Variants in SUGP1 observed in about 807,000 individuals in gnomAD.
The protein encoded by SUGP1 is SURP and G-patch domain-containing protein 1.
In SUGP1, 34 loss-of-function variants were observed where a neutral mutation model predicts 76.5. That is an observed-to-expected ratio of 0.44 (90% CI 0.34 to 0.59). The LOEUF (loss-of-function observed/expected upper bound fraction) is 0.59, where lower values mean the gene tolerates loss of function less well. Among genes scored for constraint, SUGP1 ranks in the 20% least tolerant of loss-of-function variants. SUGP1 has a pLI of 0.01. For missense variants in SUGP1, 752 were observed against 851.7 expected (o/e 0.88, Z 1.46); for synonymous variants, 326 against 326.2 (o/e 1.00, Z 0.01).
At chr19:19,280,114 C>T in intron 9 of SUGP1, 71 bp downstream of exon 9, 2 of 1,432,620 alleles carry the variant, frequency 1.4e-6, no homozygotes, top group African/African-American at 1.4e-5. Context: ...GTGACCGCTG[C>T]ACCCGGGGGT....
intron 11 of SUGP1, 76 bp from the exon 12 acceptor site, chr19:19,277,955 G>A: frequency 6.3e-7 from 1 of 1,575,996 alleles, no homozygotes; most frequent in Non-Finnish European, 8.6e-7. Context: ...TTCTGCCTTT[G>A]GTTTCAATCA....
chr19:19,304,164 G>A, intron 4 of SUGP1: 1 of 682,080 alleles, frequency 1.5e-6, no homozygotes, highest in Non-Finnish European at 2.3e-6. Context: ...TTCTTTACCA[G>A]TTTTCAGCAT....
chr19:19,302,211 G>GC, intron 7 of SUGP1, 54 bp downstream of exon 7: 10 of 1,607,348 alleles, frequency 6.2e-6, no homozygotes, highest in Non-Finnish European at 8.5e-6. Context: ...GTCCTCCCCT[G>GC]CAGGGGGACT....
At chr19:19,293,736 G>A (rs2146605317) in intron 8 of SUGP1, among the ~76,000 whole-genome samples, 2 of 152,314 alleles carry the variant, frequency 1.3e-5, no homozygotes, top group East Asian at 1.9e-4. Flanking sequence ...AGACAAGGAT[G>A]CACACTTCCA....
chr19:19,316,697 G>T, intron 1 of SUGP1, 104 bp from the exon 2 acceptor site: 1 of 1,250,298 alleles, frequency 8.0e-7, no homozygotes, highest in Middle Eastern at 2.1e-4. Context: ...TAATTTATAT[G>T]TCTATTAGTT....
rs1385159264 is a variant in SUGP1 at position 19,280,097 on chromosome 19, A to T, written c.1350+88T>A. ...ACACAGGAGCTTGGCGAAGCACATGAACCCCTGTGACCGCTGCACCCGGGG... is the reference window on the plus strand; with the variant it reads ...ACACAGGAGCTTGGCGAAGCACATGTACCCCTGTGACCGCTGCACCCGGGG... On this transcript the variant is annotated intron_variant, in intron 9 of 13. Coordinates refer to ENST00000247001, the MANE Select transcript of SUGP1 (RefSeq NM_172231.4). 38 of 1,282,280 alleles carry T rather than the reference A, an allele frequency of 3.0e-5. No homozygotes were observed. In the African/African-American group the frequency reaches 4.8e-4, roughly 16 times the overall value. The allele number at this position is 1,282,280 out of a possible 1,614,324, so 79.4% of individuals were successfully genotyped here.
intron 12 of SUGP1, among the ~76,000 whole-genome samples, 179 bp from the exon 13 acceptor site, chr19:19,277,255 G>GT (rs1338921772): frequency 6.6e-6 from 1 of 150,650 alleles, no homozygotes; most frequent in Non-Finnish European, 1.5e-5. Flanking sequence ...GGCGGGCGGG[G>GT]GGGGGGGGCC....
chr19:19,276,559 C>A lies in SUGP1; in HGVS notation c.*89G>T. The stretch of plus-strand genomic sequence containing the variant: ...TTATTACACGGCACGGCACTCGTGA[C>A]AACGGAAGGGGTGGGCAGAAATGCA... On this transcript the variant is annotated 3_prime_UTR_variant, in exon 14 of 14. Coordinates refer to ENST00000247001, the MANE Select transcript of SUGP1 (RefSeq NM_172231.4). 1 of 1,537,070 alleles carries A rather than the reference C, an allele frequency of 6.5e-7. No homozygotes were observed. The highest frequency in any genetic ancestry group is 9.0e-7 in the Non-Finnish European group (1 of 1,113,598).
intron 11 of SUGP1, 129 bp downstream of exon 11, chr19:19,278,561 A>G (rs909864263): frequency 1.2e-5 from 9 of 730,728 alleles, no homozygotes; most frequent in Non-Finnish European, 1.9e-5. Context: ...TGCCTCCTGC[A>G]GCGAAAAGGC....
At chr19:19,289,701 T>G (rs1599851746) in intron 8 of SUGP1, among the ~76,000 whole-genome samples, 1 of 152,080 alleles carries the variant, frequency 6.6e-6, no homozygotes, top group South Asian at 2.1e-4. Flanking sequence ...TGAGCCGAGA[T>G]AGTGCCACAG....
intron 11 of SUGP1, 37 bp downstream of exon 11, chr19:19,278,653 G>A (rs373834025): frequency 1.3e-4 from 208 of 1,567,066 alleles, no homozygotes; most frequent in Admixed American, 2.0e-4. Context: ...GGGCTGGCAT[G>A]TGGCAGAGGC....
At chr19:19,285,902 T>C (rs2061136189) in intron 8 of SUGP1, among the ~76,000 whole-genome samples, 1 of 152,162 alleles carries the variant, frequency 6.6e-6, no homozygotes, top group African/African-American at 2.4e-5. Flanking sequence ...GCTACTGTTT[T>C]GTGCAAATGC....
chr19:19,317,365 G>C (rs1231898012), intron 1 of SUGP1, among the ~76,000 whole-genome samples: 1 of 152,176 alleles, frequency 6.6e-6, no homozygotes, highest in Non-Finnish European at 1.5e-5. Flanking sequence ...CTCAAGGCAG[G>C]AAGAAGCCTG....
At chr19:19,297,424 C>CTTCTGGGCAGGAGCAGTTCTGGCG in intron 7 of SUGP1, 80 bp from the exon 8 acceptor site, 1 of 1,192,578 alleles carries the variant, frequency 8.4e-7, no homozygotes, top group Non-Finnish European at 1.2e-6. Flanking sequence ...CAGTTCTGGC[C>CTTCTGGGCAGGAGCAGTTCTGGCG]TTGTGTGCCC....
At position 19,292,913 on chromosome 19, in the gene SUGP1, C is replaced by CT. The variant is rs954915757; in HGVS notation, c.1243+4075dup. Among the ~76,000 whole-genome samples the CT allele has an allele frequency of 2.2e-3, 331 of 147,210 alleles. 1 individual carries two copies. Among genetic ancestry groups the CT allele is most frequent in the African/African-American group, 6.8e-3 (274 of 40,404 alleles). On this transcript the variant is annotated intron_variant, in intron 8 of 13. Coordinates refer to ENST00000247001, the MANE Select transcript of SUGP1 (RefSeq NM_172231.4). ...CACGATGATTTTATGTATTTATTTA[C>CT]TTTTTTTTTTTGAGACTCAGTCTCA...
chr19:19,299,543 T>TA (rs1229774539), intron 7 of SUGP1, among the ~76,000 whole-genome samples: 1 of 150,910 alleles, frequency 6.6e-6, no homozygotes, highest in Non-Finnish European at 1.5e-5. Flanking sequence ...CGGCTAATTT[T>TA]TTTTTTTTTT....
intron 9 of SUGP1, among the ~76,000 whole-genome samples, 176 bp downstream of exon 9, chr19:19,280,009 C>G (rs2061085331): frequency 6.6e-6 from 1 of 152,216 alleles, no homozygotes; most frequent in Non-Finnish European, 1.5e-5. Context: ...TGGCATGCCA[C>G]CTACTGGGGC....
At chr19:19,319,706 C>CAAAAAAAAAAAA (rs570232030) in intron 1 of SUGP1, among the ~76,000 whole-genome samples, 29 of 69,176 alleles carry the variant, frequency 4.2e-4, no homozygotes, top group South Asian at 6.4e-4. Context: ...GACCCTGTCT[C>CAAAAAAAAAAAA]AAAAAAAAAA....
At chr19:19,319,953 C>G (rs2061427894) in intron 1 of SUGP1, among the ~76,000 whole-genome samples, 2 of 152,134 alleles carry the variant, frequency 1.3e-5, no homozygotes, top group African/African-American at 4.8e-5. Flanking sequence ...TGAGCACGCC[C>G]TAAGTATCTG....
Sources: gnomAD v4.1 joint callset for allele counts (sites outside exome capture counted in the v4.1 genomes callset) on GRCh38, gnomAD v4.1.1 for gene constraint, MANE v1.5 for transcripts, NCBI Gene and HGNC (gene_info 2026-07-23, HGNC 2026-07-21) for gene names.